TUSC3: variants seen among roughly 807,000 people sequenced by gnomAD.
TUSC3 encodes the protein dolichyl-diphosphooligosaccharide--protein glycosyltransferase subunit TUSC3.
In TUSC3, 45 loss-of-function variants were observed where a neutral mutation model predicts 44.8. The observed-to-expected ratio is 1.00, with a 90% CI of 0.79 to 1.29. The LOEUF is 1.29. Among genes scored for constraint, TUSC3 ranks in the 50% most tolerant of loss-of-function variants. TUSC3 has a pLI of 0.00. For missense variants in TUSC3, 519 were observed against 437.9 expected (o/e 1.19, Z -1.65); for synonymous variants, 212 against 152.9 (o/e 1.39, Z -2.85).
At chr8:15,498,720 A>T (rs191299075) in intron 2 of TUSC3, among the ~76,000 whole-genome samples, 42 of 152,274 alleles carry the variant, frequency 2.8e-4, no homozygotes, top group Middle Eastern at 3.4e-3. Context: ...GTTCGAATGC[A>T]TTCCAGTTTT....
chr8:15,595,736 C>T (rs1283502206), intron 1 of TUSC3, among the ~76,000 whole-genome samples: 1 of 152,092 alleles, frequency 6.6e-6, no homozygotes, highest in East Asian at 1.9e-4. Flanking sequence ...TACAATGTAG[C>T]ACTTATTTTA....
chr8:15,808,079 C>G, the TUSC3 span, among the ~76,000 whole-genome samples: 1 of 152,224 alleles, frequency 6.6e-6, no homozygotes, highest in African/African-American at 2.4e-5. Context: ...CCTACATATA[C>G]TAGCTTTTGA....
At chr8:15,681,057 G>C (rs1043823530) in intron 6 of TUSC3, among the ~76,000 whole-genome samples, 1 of 149,686 alleles carries the variant, frequency 6.7e-6, no homozygotes, top group African/African-American at 2.4e-5. Context: ...TTGTTGTTGT[G>C]TCTTTGCCAG....
At chr8:15,551,893 C>G (rs535414953) in intron 1 of TUSC3, among the ~76,000 whole-genome samples, 10 of 151,766 alleles carry the variant, frequency 6.6e-5, no homozygotes, top group African/African-American at 2.4e-4. Context: ...AGTTCATAAT[C>G]TTTGTTTTTG....
At chr8:15,691,874 G>A (rs1009485587) in intron 6 of TUSC3, among the ~76,000 whole-genome samples, 2 of 152,086 alleles carry the variant, frequency 1.3e-5, no homozygotes, top group Non-Finnish European at 2.9e-5. Flanking sequence ...TGCCTCTTGG[G>A]TTCAAACAAT....
At chr8:15,489,311 G>A (rs1800775901) in intron 2 of TUSC3, among the ~76,000 whole-genome samples, 4 of 152,280 alleles carry the variant, frequency 2.6e-5, no homozygotes, top group East Asian at 1.9e-4. Context: ...TAAAGACCTG[G>A]AATCAATAGA....
At chr8:15,647,685 C>T (rs1421702577) in intron 2 of TUSC3, among the ~76,000 whole-genome samples, 1 of 152,136 alleles carries the variant, frequency 6.6e-6, no homozygotes, top group African/African-American at 2.4e-5. Context: ...ACTACCTTTT[C>T]TATCAGTTAT....
the TUSC3 span, among the ~76,000 whole-genome samples, chr8:15,786,795 A>G: frequency 6.6e-6 from 1 of 151,592 alleles, no homozygotes; most frequent in African/African-American, 2.4e-5. Context: ...TTAAAAAAAA[A>G]TAGCTGGGTG....
At chr8:15,613,575 T>A (rs1190495523) in intron 1 of TUSC3, among the ~76,000 whole-genome samples, 1 of 152,188 alleles carries the variant, frequency 6.6e-6, no homozygotes, top group African/African-American at 2.4e-5. Flanking sequence ...CCCTTTGCTG[T>A]TCTTCGTCTT....
chr8:15,850,098 G>T, the TUSC3 span, among the ~76,000 whole-genome samples: 1 of 136,062 alleles, frequency 7.3e-6, no homozygotes, highest in South Asian at 2.3e-4. Context: ...CAAACTCTTA[G>T]ATCTTGTTTA....
At chr8:15,602,321 A>G (rs1039332954) in intron 1 of TUSC3, among the ~76,000 whole-genome samples, 4 of 151,752 alleles carry the variant, frequency 2.6e-5, no homozygotes, top group Non-Finnish European at 4.4e-5. Flanking sequence ...CGCAGAATAC[A>G]TGATTAAAGT....
chr8:15,764,497 A>G lies in TUSC3; in HGVS notation c.*341A>G, dbSNP rs1812272965. On this transcript the variant is annotated 3_prime_UTR_variant, in exon 11 of 11. Transcript: ENST00000503731. ...CAATGTAATTATGAATTCATGTTTT[A>G]GAGCTGTTTACTCATTAGTAAAGGA... The G allele has an allele frequency of 2.7e-6, 1 of 369,148 alleles. No homozygotes were observed. The allele number at this position is 369,148 out of a possible 1,614,324, so 22.9% of individuals were successfully genotyped here.
At chr8:15,689,794 C>G (rs1449208981) in intron 6 of TUSC3, among the ~76,000 whole-genome samples, 2 of 146,468 alleles carry the variant, frequency 1.4e-5, no homozygotes, top group African/African-American at 2.6e-5. Flanking sequence ...TGATCTCATT[C>G]TTTTTTATGG....
Position 15,578,945 on chromosome 8 carries a change from C to A in TUSC3, c.138+38377C>A, listed in dbSNP as rs971774122. On this transcript the variant is annotated intron_variant, in intron 1 of 10. Coordinates refer to ENST00000503731, the MANE Select transcript of TUSC3 (RefSeq NM_006765.4). The stretch of plus-strand genomic sequence containing the variant: ...AATTCAGCTGTGAATCCATCTGGTC[C>A]TGGACTCTTTTTGGCTGGTAAGCTA... Among the ~76,000 whole-genome samples, 697 of 152,212 alleles carry A rather than the reference C, an allele frequency of 4.6e-3. 8 individuals carry two copies. The highest frequency in any genetic ancestry group is 0.016 in the African/African-American group (663 of 41,522).
chr8:15,545,688 C>T (rs1801840160), intron 1 of TUSC3, among the ~76,000 whole-genome samples: 1 of 151,734 alleles, frequency 6.6e-6, no homozygotes, highest in South Asian at 2.1e-4. Context: ...TATGTGCCCT[C>T]TTCCACACAT....
chr8:15,842,168 A>T, the TUSC3 span, among the ~76,000 whole-genome samples: 1 of 152,168 alleles, frequency 6.6e-6, no homozygotes, highest in Non-Finnish European at 1.5e-5. Context: ...TACATCAATG[A>T]ACAAAACAGA....
chr8:15,728,666 A>G (rs747050508), intron 6 of TUSC3, among the ~76,000 whole-genome samples: 2 of 152,204 alleles, frequency 1.3e-5, no homozygotes, highest in Non-Finnish European at 2.9e-5. Flanking sequence ...AGCTGTTATC[A>G]GACTTCCAGT....
chr8:15,672,367 A>G (rs908173020), intron 5 of TUSC3, among the ~76,000 whole-genome samples: 29 of 151,958 alleles, frequency 1.9e-4, no homozygotes, highest in African/African-American at 6.8e-4. Flanking sequence ...GCCCAAAGCA[A>G]TGGACTTGCT....
intron 9 of TUSC3, among the ~76,000 whole-genome samples, chr8:15,756,468 C>G (rs1811932880): frequency 6.6e-6 from 1 of 152,148 alleles, no homozygotes; most frequent in African/African-American, 2.4e-5. Context: ...ACTGATTATT[C>G]AGTAGTACTT....
Sources: allele counts gnomAD v4.1 joint callset (sites outside exome capture counted in the v4.1 genomes callset), GRCh38; gene constraint gnomAD v4.1.1; transcripts MANE v1.5; gene names NCBI Gene and HGNC (gene_info 2026-07-23, HGNC 2026-07-21).